RIOK1: variants seen among roughly 807,000 people sequenced by gnomAD.
The protein encoded by RIOK1 is RIO kinase 1, also known as serine/threonine-protein kinase RIO1.
Under a neutral mutation model 73.5 loss-of-function variants are expected in RIOK1, and 66 were observed. That is an observed-to-expected ratio of 0.90 (90% CI 0.74 to 1.10). The LOEUF is 1.10. RIOK1 is among the 50% of genes least tolerant of loss of function. The probability of loss-of-function intolerance (pLI) is 0.00; values close to 1 mark genes in which losing one functional copy is unlikely to be tolerated. For missense variants in RIOK1, 658 were observed against 699.8 expected, an observed-to-expected ratio of 0.94 and a Z score of 0.67; for synonymous variants, 224 against 226.8, an observed-to-expected ratio of 0.99 and a Z score of 0.11.
Position 7,414,482 on chromosome 6 carries a change from G to A in RIOK1, c.1596+92G>A, listed in dbSNP as rs78844281. ...TCAAGGATCTAGCTAGATTATGATGGCTGAAAACATTATTGATAAGTACCT... is the reference window on the plus strand; with the variant it reads ...TCAAGGATCTAGCTAGATTATGATGACTGAAAACATTATTGATAAGTACCT... On this transcript the variant is annotated intron_variant, in intron 16 of 16. Coordinates refer to ENST00000379834, the MANE Select transcript of RIOK1 (RefSeq NM_031480.3). 1,254 of 1,188,038 alleles carry A rather than the reference G, an allele frequency of 1.1e-3. 17 individuals carry two copies. In the East Asian group the frequency reaches 0.026, roughly 25 times the overall value. 73.6% of individuals were successfully genotyped at this position (1,188,038 alleles called of 1,614,324 possible).
intron 12 of RIOK1, among the ~76,000 whole-genome samples, chr6:7,409,696 C>T (rs1761838259): frequency 6.6e-6 from 1 of 151,322 alleles, no homozygotes; most frequent in Admixed American, 6.6e-5. Context: ...GTCACAAACT[C>T]CTGATCTCAG....
At chr6:7,401,479 G>C (rs1386276890) in intron 6 of RIOK1, among the ~76,000 whole-genome samples, 1 of 152,012 alleles carries the variant, frequency 6.6e-6, no homozygotes, top group African/African-American at 2.4e-5. Flanking sequence ...CTCTTACTGT[G>C]ATTTACTCAG....
At position 7,417,396 on chromosome 6, in the gene RIOK1, G is replaced by A; in HGVS notation, c.1662G>A (p.Val554=). 1 of 1,566,166 alleles carries A rather than the reference G, an allele frequency of 6.4e-7. No individual in the cohort carries two copies. Among genetic ancestry groups the A allele is most frequent in the South Asian group, 1.2e-5 (1 of 83,630 alleles). ...EKRKNKIPKH[V]KKRKEKTAKT... ...GAAAAAACAAAATTCCTAAACATGT[G>A]AAAAAAAGAAAGGAGAAGACAGCCA... Residue 554 remains valine (V), a synonymous_variant, in exon 17 of 17, where the codon GTG becomes GTA. Coordinates refer to ENST00000379834, the MANE Select transcript of RIOK1 (RefSeq NM_031480.3).
chr6:7,412,896 AC>A lies in RIOK1; in HGVS notation c.1399del (p.Gln467ArgfsTer6). Reference sequence around the variant, plus strand: ...TTTCATTTTGGTTATAAGATTCTATACCAGACTGTTACAGGATTGAAGAAAG... The same window carrying A: ...TTTCATTTTGGTTATAAGATTCTATACAGACTGTTACAGGATTGAAGAAAG... ...AMNAQQDNIL[Y>X]QTVTGLKKDL... On this transcript the variant is annotated frameshift_variant, in exon 15 of 17. Coordinates refer to ENST00000379834, the MANE Select transcript of RIOK1 (RefSeq NM_031480.3). LOFTEE classifies it high-confidence loss of function. 6.5e-7 allele frequency: 1 copy of A among 1,537,500 alleles called. No homozygotes were observed. Among genetic ancestry groups the A allele is most frequent in the Non-Finnish European group, 8.8e-7 (1 of 1,142,166 alleles).
intron 3 of RIOK1, among the ~76,000 whole-genome samples, chr6:7,396,292 T>C (rs1761471514): frequency 6.6e-6 from 1 of 152,240 alleles, no homozygotes; most frequent in Non-Finnish European, 1.5e-5. Flanking sequence ...GCTAAATTAA[T>C]ATAAGTATTT....
intron 1 of RIOK1, among the ~76,000 whole-genome samples, chr6:7,390,415 G>A (rs552284627): frequency 6.6e-6 from 1 of 152,156 alleles, no homozygotes; most frequent in Non-Finnish European, 1.5e-5. Flanking sequence ...TATGTACCAC[G>A]TTCTGTCCTG....
intron 1 of RIOK1, among the ~76,000 whole-genome samples, chr6:7,390,559 G>A (rs947391812): frequency 6.6e-6 from 1 of 152,198 alleles, no homozygotes; most frequent in African/African-American, 2.4e-5. Flanking sequence ...ACCAAGTGGT[G>A]ACTGAATGGG....
chr6:7,403,425 C>G (rs1761662406), intron 8 of RIOK1, among the ~76,000 whole-genome samples: 1 of 152,128 alleles, frequency 6.6e-6, no homozygotes, highest in Non-Finnish European at 1.5e-5. Flanking sequence ...AAGGCCTCAT[C>G]TAGTTGAGAT....
intron 2 of RIOK1, 112 bp downstream of exon 2, chr6:7,393,415 T>C: frequency 3.5e-6 from 3 of 850,502 alleles, no homozygotes; most frequent in Admixed American, 2.0e-5. Flanking sequence ...CTTCATGTTA[T>C]ATTGTCCTGT....
Position 7,390,010 on chromosome 6 carries a change from A to G in RIOK1, c.8A>G (p.Tyr3Cys), listed in dbSNP as rs548389817. 4 of 1,552,852 alleles carry G rather than the reference A, an allele frequency of 2.6e-6. No individual in the cohort carries two copies. The highest frequency in any genetic ancestry group is 3.5e-6 in the Non-Finnish European group (4 of 1,148,280). The change falls in exon 1 of 17, where the codon TAC becomes TGC. Residue 3 changes from tyrosine (Y) to cysteine (C), a missense_variant. Tyr to Cys is a radical substitution (Grantham distance 194, BLOSUM62 -2). Coordinates refer to ENST00000379834, the MANE Select transcript of RIOK1 (RefSeq NM_031480.3). ...CGGCGGCGCTCTCCAGTCATGGACT[A>G]CCGGCGGCTTCTCATGAGCCGGGTG... Reference protein sequence around the residue: MDYRRLLMSRVVP... With the variant: MDCRRLLMSRVVP...
chr6:7,415,143 T>C (rs1339050800), intron 16 of RIOK1, among the ~76,000 whole-genome samples: 1 of 152,202 alleles, frequency 6.6e-6, no homozygotes, highest in Non-Finnish European at 1.5e-5. Flanking sequence ...AGTGGAAAGG[T>C]GACCATTCTT....
intron 1 of RIOK1, among the ~76,000 whole-genome samples, chr6:7,392,417 G>T (rs1460795161): frequency 6.6e-6 from 1 of 151,912 alleles, no homozygotes; most frequent in African/African-American, 2.4e-5. Flanking sequence ...GGATTTCTTT[G>T]TGGAACACAA....
intron 4 of RIOK1, 139 bp from the exon 5 acceptor site, chr6:7,398,559 A>G (rs1160561583): frequency 3.1e-6 from 2 of 643,402 alleles, no homozygotes; most frequent in Non-Finnish European, 5.4e-6. Flanking sequence ...GTAATGAAAA[A>G]TCTACAATCA....
Position 7,417,358 on chromosome 6 carries a change from C to G in RIOK1, c.1624C>G (p.Gln542Glu). ...KERKKMVKEA[Q>E]REKRKNKIPK... Reference sequence around the variant, plus strand: ...AAGAAAAAAGATGGTCAAGGAAGCCCAGAGAGAGAAAAGAAAAAACAAAAT... The same window carrying G: ...AAGAAAAAAGATGGTCAAGGAAGCCGAGAGAGAGAAAAGAAAAAACAAAAT... The change falls in exon 17 of 17, where the codon CAG becomes GAG. Residue 542 changes from glutamine to glutamate, a missense_variant. Coordinates refer to ENST00000379834, the MANE Select transcript of RIOK1 (RefSeq NM_031480.3). The G allele has an allele frequency of 6.4e-7, 1 of 1,553,410 alleles. No homozygotes were observed. The highest frequency in any genetic ancestry group is 1.2e-5 in the South Asian group (1 of 81,474).
chr6:7,410,320 C>A, intron 12 of RIOK1, 66 bp from the exon 13 acceptor site: 1 of 1,106,196 alleles, frequency 9.0e-7, no homozygotes, highest in Non-Finnish European at 1.4e-6. Context: ...TATACCAAAA[C>A]TGGGACATGG....
rs1348760863 is a variant in RIOK1 at position 7,411,395 on chromosome 6, G to A, written c.1333G>A (p.Asp445Asn). ...NEVKNYERDM[D>N]IIMKLKEEDM... ...AGTGAAAAATTATGAGAGGGATATG[G>A]ACATAATTATGAAATTGAAGGAAGA... The change falls in exon 14 of 17, where the codon GAC (aspartate) becomes AAC (asparagine). Residue 445 changes from aspartate to asparagine, a missense_variant. By Grantham distance (23) the Asp-to-Asn change is conservative. Coordinates refer to ENST00000379834, the MANE Select transcript of RIOK1 (RefSeq NM_031480.3). 4 of 1,613,180 alleles carry A rather than the reference G, an allele frequency of 2.5e-6. No homozygotes were observed. In the African/African-American group the frequency reaches 5.3e-5, roughly 22 times the overall value.
intron 13 of RIOK1, 132 bp from the exon 14 acceptor site, chr6:7,411,200 C>A: frequency 1.1e-6 from 1 of 904,776 alleles, no homozygotes; most frequent in Non-Finnish European, 1.7e-6. Flanking sequence ...TGTGTGCAGA[C>A]AGCTTAGCCA....
At chr6:7,409,911 G>A (rs570273480) in intron 12 of RIOK1, among the ~76,000 whole-genome samples, 67 of 151,504 alleles carry the variant, frequency 4.4e-4, no homozygotes, top group African/African-American at 1.5e-3. Context: ...TGTCACCCTC[G>A]TTTCAGTCAT....
intron 14 of RIOK1, among the ~76,000 whole-genome samples, chr6:7,412,138 A>G (rs1761900103): frequency 2.0e-5 from 3 of 152,196 alleles, no homozygotes; most frequent in Admixed American, 6.5e-5. Context: ...AGGTGGGCGG[A>G]TCACTTGAGG....
Sources: gnomAD v4.1 joint callset for allele counts (sites outside exome capture counted in the v4.1 genomes callset) on GRCh38, gnomAD v4.1.1 for gene constraint, MANE v1.5 for transcripts, NCBI Gene and HGNC (gene_info 2026-07-23, HGNC 2026-07-21) for gene names.